Variants in CATSPERE observed in about 807,000 individuals in gnomAD.
CATSPERE encodes cation channel sperm-associated auxiliary subunit epsilon.
A neutral mutation model predicts 114.1 loss-of-function variants in CATSPERE; 93 were observed. The observed-to-expected ratio is 0.81, with a 90% confidence interval of 0.69 to 0.97. The LOEUF is 0.97. Ranked by LOEUF, CATSPERE falls within the 50% of genes least tolerant of loss-of-function variation. The probability of loss-of-function intolerance (pLI) is 0.00; values close to 1 mark genes in which losing one functional copy is unlikely to be tolerated. For missense variants in CATSPERE, 1,058 were observed against 1,131.6 expected (o/e 0.93, Z 0.93); for synonymous variants, 341 against 384.1 (o/e 0.89, Z 1.31).
chr1:244,490,614 C>T (rs538812706), intron 6 of CATSPERE, 143 bp downstream of exon 6: 1 of 532,386 alleles, frequency 1.9e-6, no homozygotes, highest in African/African-American at 2.0e-5. Context: ...TCTATAAGAC[C>T]CATTCAGGAG....
rs548176781 is a variant in CATSPERE at position 244,592,967 on chromosome 1, C to T, written c.2190-428C>T. Reference sequence around the variant, plus strand: ...TCATGAACGTGAAGCATTCCACTCTCGTGAGAAATCTAAATTAGGAAACAT... The same window carrying T: ...TCATGAACGTGAAGCATTCCACTCTTGTGAGAAATCTAAATTAGGAAACAT... On this transcript the variant is annotated intron_variant, in intron 15 of 21. Transcript: ENST00000366534. Among the ~76,000 whole-genome samples the T allele has an allele frequency of 5.5e-5, 8 of 146,480 alleles. No individual in the cohort carries two copies. In the South Asian group the frequency reaches 9.0e-4, roughly 17 times the overall value.
chr1:244,519,496 G>C (rs1375628573), intron 8 of CATSPERE, among the ~76,000 whole-genome samples: 1 of 152,182 alleles, frequency 6.6e-6, no homozygotes, highest in Non-Finnish European at 1.5e-5. Flanking sequence ...CTCTCCCCGT[G>C]TCTGCGTGGG....
chr1:244,495,670 G>A (rs1314796868), intron 6 of CATSPERE, among the ~76,000 whole-genome samples: 2 of 152,228 alleles, frequency 1.3e-5, no homozygotes, highest in South Asian at 4.1e-4. Flanking sequence ...GCAGTGAGCC[G>A]AGATTGCGCC....
At chr1:244,566,916 A>G (rs1309196467) in intron 10 of CATSPERE, among the ~76,000 whole-genome samples, 3 of 151,736 alleles carry the variant, frequency 2.0e-5, no homozygotes, top group Non-Finnish European at 4.4e-5. Flanking sequence ...TTTGCTCGTT[A>G]TTTGATGCAG....
intron 10 of CATSPERE, among the ~76,000 whole-genome samples, chr1:244,571,868 G>A (rs183833990): frequency 1.3e-5 from 2 of 152,074 alleles, no homozygotes; most frequent in East Asian, 3.9e-4. Flanking sequence ...TTATAAGGGC[G>A]CCAGTTCTGT....
At position 244,588,518 on chromosome 1, in the gene CATSPERE, T is replaced by A; in HGVS notation, c.2122T>A (p.Phe708Ile). 1 of 1,610,910 alleles carries A rather than the reference T, an allele frequency of 6.2e-7. No homozygotes were observed. Among genetic ancestry groups the A allele is most frequent in the Non-Finnish European group, 8.5e-7 (1 of 1,177,144 alleles). ...QIAVGCDDKK[F>I]IAIKGFSKKG... The stretch of plus-strand genomic sequence containing the variant: ...AGCTGTTGGCTGTGATGATAAAAAA[T>A]TCATTGCAATTAAAGGGTAAGTATA... Residue 708 changes from phenylalanine (F) to isoleucine (I), a missense_variant, in exon 14 of 22, where the codon TTC becomes ATC. Physicochemically the swap from Phe to Ile is conservative, Grantham distance 21. Transcript: ENST00000366534.
upstream of CATSPERE, among the ~76,000 whole-genome samples, chr1:244,459,167 C>T (rs1291958876): frequency 6.6e-6 from 1 of 151,916 alleles, no homozygotes; most frequent in Admixed American, 6.6e-5. Flanking sequence ...CAACCTCCGC[C>T]TCCCAGGTTC....
chr1:244,466,569 T>C (rs1237236304), intron 2 of CATSPERE, among the ~76,000 whole-genome samples: 5 of 152,152 alleles, frequency 3.3e-5, no homozygotes, highest in African/African-American at 9.7e-5. Context: ...ATATTATCCC[T>C]GTCTTTAAGG....
At chr1:244,508,710 T>A (rs1675227276) in intron 7 of CATSPERE, among the ~76,000 whole-genome samples, 1 of 151,272 alleles carries the variant, frequency 6.6e-6, no homozygotes, top group Non-Finnish European at 1.5e-5. Context: ...ATATATAAGA[T>A]TGTGTTGGCT....
At chr1:244,617,497 C>A in intron 19 of CATSPERE, 32 bp from the exon 20 acceptor site, 3 of 1,449,664 alleles carry the variant, frequency 2.1e-6, no homozygotes, top group Non-Finnish European at 1.8e-6. Flanking sequence ...CATAAAATGA[C>A]CTTAAAATTT....
intron 9 of CATSPERE, among the ~76,000 whole-genome samples, chr1:244,553,506 G>A (rs933693470): frequency 4.7e-4 from 71 of 149,770 alleles, no homozygotes; most frequent in Non-Finnish European, 7.6e-4. Flanking sequence ...GCGTGAACCC[G>A]GGAGGCGGAG....
chr1:244,464,468 T>G (rs1667283446), intron 2 of CATSPERE, among the ~76,000 whole-genome samples: 1 of 152,160 alleles, frequency 6.6e-6, no homozygotes, highest in Non-Finnish European at 1.5e-5. Flanking sequence ...CAAACAATAC[T>G]GGAATGAGTG....
At chr1:244,582,317 T>TTCCTATG (rs1477722239) in intron 12 of CATSPERE, among the ~76,000 whole-genome samples, 1 of 152,174 alleles carries the variant, frequency 6.6e-6, no homozygotes, top group Non-Finnish European at 1.5e-5. Context: ...TGTGAAGGCA[T>TTCCTATG]TCCTATGGCT....
chr1:244,470,248 C>A (rs1255289916), intron 2 of CATSPERE, among the ~76,000 whole-genome samples: 1 of 152,144 alleles, frequency 6.6e-6, no homozygotes, highest in Non-Finnish European at 1.5e-5. Context: ...GAAGACAATT[C>A]ACAGGATGGG....
At position 244,490,065 on chromosome 1, in the gene CATSPERE, A is replaced by G. The variant is rs113837303; in HGVS notation, c.327-382A>G. Among the ~76,000 whole-genome samples, 262 of 152,314 alleles carry G rather than the reference A, an allele frequency of 1.7e-3. 1 individual carries two copies. Among genetic ancestry groups the G allele is most frequent in the African/African-American group, 5.7e-3 (239 of 41,574 alleles). On this transcript the variant is annotated intron_variant, in intron 5 of 21. Transcript: ENST00000366534. ...ATGAACAGGAGAGGGTAAGGAGGGTACTTCAAGAAGCAAAGAGTGATCAAC... is the reference window on the plus strand; with the variant it reads ...ATGAACAGGAGAGGGTAAGGAGGGTGCTTCAAGAAGCAAAGAGTGATCAAC...
chr1:244,463,555 C>T (rs1003990750), intron 1 of CATSPERE, among the ~76,000 whole-genome samples: 3 of 150,284 alleles, frequency 2.0e-5, no homozygotes, highest in Non-Finnish European at 4.4e-5. Flanking sequence ...AGAAATACTG[C>T]GTTTTTAAAA....
chr1:244,509,680 A>G (rs987542605), intron 7 of CATSPERE, among the ~76,000 whole-genome samples: 2 of 152,104 alleles, frequency 1.3e-5, no homozygotes, highest in African/African-American at 4.8e-5. Flanking sequence ...AGTTTGGTAA[A>G]ATTCAGCAGT....
rs551752348 is a variant in CATSPERE at position 244,480,184 on chromosome 1, C to G, written c.326+400C>G. 4.6e-5 allele frequency among the ~76,000 whole-genome samples: 7 copies of G among 152,240 alleles called. 1 individual carries two copies. In the South Asian group the frequency reaches 1.5e-3, roughly 32 times the overall value. ...GAGGGCTCTTCTATTATATGCATTT[C>G]AAAAATACCTTCTTTGTATTGGATA... On this transcript the variant is annotated intron_variant, in intron 5 of 21. Coordinates refer to ENST00000366534, the MANE Select transcript of CATSPERE (RefSeq NM_001130957.2).
At chr1:244,452,024 C>T, upstream of CATSPERE, 1 of 449,982 alleles carries the variant, frequency 2.2e-6, no homozygotes, top group Non-Finnish European at 3.7e-6. Context: ...GACTGCCCCG[C>T]GCAGGCCGGC....
Sources: allele counts gnomAD v4.1 joint callset (sites outside exome capture counted in the v4.1 genomes callset), GRCh38; gene constraint gnomAD v4.1.1; transcripts MANE v1.5; gene names NCBI Gene and HGNC (gene_info 2026-07-23, HGNC 2026-07-21).